Variants in DSCAML1 observed in about 807,000 individuals in gnomAD.
DSCAML1 encodes the protein DS cell adhesion molecule like 1, also known as cell adhesion molecule DSCAML1.
Under a neutral mutation model 200.5 loss-of-function variants are expected in DSCAML1, and 38 were observed. The ratio of observed to expected loss-of-function variants is 0.19; its 90% CI spans 0.15 to 0.25. DSCAML1 has a LOEUF of 0.25. Ranked by LOEUF, DSCAML1 falls within the 10% of genes least tolerant of loss-of-function variation. The pLI is 1.00. For synonymous variants in DSCAML1, 1,215 were observed against 1,165.0 expected, an observed-to-expected ratio of 1.04 and a Z score of -0.87; for missense variants, 2,223 against 2,858.8, an observed-to-expected ratio of 0.78 and a Z score of 5.07.
At chr11:117,760,065 C>T (rs1330076714) in intron 3 of DSCAML1, among the ~76,000 whole-genome samples, 1 of 152,166 alleles carries the variant, frequency 6.6e-6, no homozygotes, top group Non-Finnish European at 1.5e-5. Flanking sequence ...TCACCAACAA[C>T]CTCCTATCTC....
chr11:117,635,132 C>T (rs757854790), intron 3 of DSCAML1, among the ~76,000 whole-genome samples: 172 of 152,334 alleles, frequency 1.1e-3, no homozygotes, highest in Non-Finnish European at 1.7e-3. Flanking sequence ...ACAGGCTGCT[C>T]TCAAATGCAT....
At chr11:117,590,191 T>TA (rs1440308119) in intron 3 of DSCAML1, among the ~76,000 whole-genome samples, 1 of 152,034 alleles carries the variant, frequency 6.6e-6, no homozygotes, top group African/African-American at 2.4e-5. Flanking sequence ...TTTAATGCAT[T>TA]ATGTTATTTG....
intron 21 of DSCAML1, among the ~76,000 whole-genome samples, chr11:117,441,556 G>A (rs922478982): frequency 2.6e-5 from 4 of 152,156 alleles, no homozygotes; most frequent in Admixed American, 2.0e-4. Context: ...TGTGGTGGGT[G>A]GGTAAATGCA....
intron 3 of DSCAML1, among the ~76,000 whole-genome samples, chr11:117,651,572 C>T (rs994371353): frequency 3.3e-5 from 5 of 151,488 alleles, no homozygotes; most frequent in African/African-American, 7.3e-5. Flanking sequence ...ATTAGCCGGC[C>T]GTGGTGGCGG....
intron 3 of DSCAML1, among the ~76,000 whole-genome samples, chr11:117,540,824 T>C (rs2050254731): frequency 6.6e-6 from 1 of 150,568 alleles, no homozygotes; most frequent in Admixed American, 6.6e-5. Context: ...ACATGTACCC[T>C]GGAACTTAAA....
At chr11:117,568,450 G>A (rs909927103) in intron 3 of DSCAML1, among the ~76,000 whole-genome samples, 2 of 152,170 alleles carry the variant, frequency 1.3e-5, no homozygotes, top group African/African-American at 4.8e-5. Flanking sequence ...GTTTGCAGAT[G>A]ACATGATTGT....
At chr11:117,444,498 C>T (rs528579299) in intron 20 of DSCAML1, among the ~76,000 whole-genome samples, 1 of 152,316 alleles carries the variant, frequency 6.6e-6, no homozygotes, top group South Asian at 2.1e-4. Flanking sequence ...ACCTCCTAGC[C>T]CTGCCGTCTA....
chr11:117,558,980 A>C (rs2050608660), intron 3 of DSCAML1, among the ~76,000 whole-genome samples: 1 of 151,986 alleles, frequency 6.6e-6, no homozygotes, highest in Non-Finnish European at 1.5e-5. Flanking sequence ...TATTTATCTT[A>C]CTTCTGTCTC....
rs144581420 is a variant in DSCAML1, at chr11:117,689,207, C to T, written c.511+87584G>A. 1.8e-4 allele frequency among the ~76,000 whole-genome samples: 27 copies of T among 152,318 alleles called. No individual in the cohort carries two copies. The East Asian group carries it at 3.3e-3, about 18-fold the overall frequency. ...GAGACAAAGTGGTTCTAGACAGAAA[C>T]GTTTAAGGGACGCATACAAAGAAGC... is the stretch of plus-strand genomic sequence containing the variant. On this transcript the variant is annotated intron_variant, in intron 3 of 32. Coordinates refer to ENST00000651296, the MANE Select transcript of DSCAML1 (RefSeq NM_020693.4).
chr11:117,688,577 G>A (rs1380414840), intron 3 of DSCAML1, among the ~76,000 whole-genome samples: 2 of 152,174 alleles, frequency 1.3e-5, no homozygotes, highest in Non-Finnish European at 2.9e-5. Context: ...AGGAGGCAGG[G>A]AATGGGATTT....
intron 3 of DSCAML1, among the ~76,000 whole-genome samples, chr11:117,644,561 C>T (rs1289281191): frequency 6.6e-6 from 1 of 152,278 alleles, no homozygotes; most frequent in Non-Finnish European, 1.5e-5. Context: ...CGACATCCAT[C>T]ACTTTCCCCA....
chr11:117,700,738 C>G (rs1332614807), intron 3 of DSCAML1, among the ~76,000 whole-genome samples: 1 of 152,234 alleles, frequency 6.6e-6, no homozygotes, highest in African/African-American at 2.4e-5. Flanking sequence ...TTCTCGCCCC[C>G]ACACACTGGA....
At position 117,437,834 on chromosome 11, in the gene DSCAML1, C is replaced by T. The variant is rs1016046694; in HGVS notation, c.4432+61G>A. ...GCCACCTTACACCCCATACCTGGCCCCTCTAGCCCACCCTCCCTGGGCCCA... is the reference window on the plus strand; with the variant it reads ...GCCACCTTACACCCCATACCTGGCCTCTCTAGCCCACCCTCCCTGGGCCCA... On this transcript the variant is annotated intron_variant, in intron 25 of 32. Transcript: ENST00000651296. This position sits in a 1 kb window ranked among gnomAD's most constrained non-coding sequence, Gnocchi z 5.3. The T allele has an allele frequency of 2.0e-6, 3 of 1,499,876 alleles. No homozygotes were observed. In the South Asian group the frequency reaches 3.9e-5, roughly 20 times the overall value. 92.9% of individuals were successfully genotyped at this position (1,499,876 alleles called of 1,614,324 possible).
At chr11:117,525,223 G>C in intron 4 of DSCAML1, 140 bp from the exon 5 acceptor site, 1 of 1,074,076 alleles carries the variant, frequency 9.3e-7, no homozygotes, top group Non-Finnish European at 1.3e-6. Flanking sequence ...CGGCTCCAGA[G>C]GAACATTTCA....
chr11:117,622,807 C>T (rs559197209), intron 3 of DSCAML1, among the ~76,000 whole-genome samples: 19 of 152,242 alleles, frequency 1.2e-4, no homozygotes, highest in South Asian at 1.2e-3. Flanking sequence ...ACCTGGCATG[C>T]GGACATTTCC....
chr11:117,584,807 G>A lies in DSCAML1; in HGVS notation c.512-52285C>T, dbSNP rs375535355. Among the ~76,000 whole-genome samples, 17 of 152,312 alleles carry A rather than the reference G, an allele frequency of 1.1e-4. No homozygotes were observed. The South Asian group carries it at 3.5e-3, about 32-fold the overall frequency. ...TTCAACTGCAATATAGTGGCATAGA[G>A]CATGGGCTCTGGGCAAGTGACTCAG... is the stretch of plus-strand genomic sequence containing the variant. On this transcript the variant is annotated intron_variant, in intron 3 of 32. Coordinates refer to ENST00000651296, the MANE Select transcript of DSCAML1 (RefSeq NM_020693.4).
chr11:117,525,213 C>T (rs775890959), intron 4 of DSCAML1, 130 bp from the exon 5 acceptor site: 17 of 1,162,064 alleles, frequency 1.5e-5, no homozygotes, highest in Non-Finnish European at 1.7e-5. Flanking sequence ...GTTTCCAGGG[C>T]GGCTCCAGAG....
chr11:117,468,924 C>A (rs1045275724), intron 16 of DSCAML1, among the ~76,000 whole-genome samples: 1 of 152,196 alleles, frequency 6.6e-6, no homozygotes, highest in Non-Finnish European at 1.5e-5. Context: ...AGAAAGTCAC[C>A]GTGGACAATT....
intron 1 of DSCAML1, among the ~76,000 whole-genome samples, chr11:117,815,486 T>C (rs1043253926): frequency 6.6e-6 from 1 of 152,140 alleles, no homozygotes; most frequent in Admixed American, 6.5e-5. Flanking sequence ...AACATTGCCC[T>C]CTTCTCCCCT....
Sources: allele counts gnomAD v4.1 joint callset (sites outside exome capture counted in the v4.1 genomes callset), GRCh38; gene constraint gnomAD v4.1.1; non-coding constraint Gnocchi (gnomAD v3.1); transcripts MANE v1.5; gene names NCBI Gene and HGNC (gene_info 2026-07-23, HGNC 2026-07-21).